The following EYS variants were observed in gnomAD, a reference collection of about 807,000 sequenced individuals.
EYS encodes EGF-like photoreceptor maintenance factor.
Under a neutral mutation model 282.1 loss-of-function variants are expected in EYS, and 250 were observed. The observed-to-expected ratio is 0.89, with a 90% CI of 0.80 to 0.98. The LOEUF is 0.98. Ranked by LOEUF, EYS falls within the 50% of genes least tolerant of loss-of-function variation. The pLI, the probability that EYS is intolerant of heterozygous loss-of-function variation, is 0.00. For synonymous variants in EYS, 1,355 were observed against 1,282.9 expected (o/e 1.06, Z -1.20); for missense variants, 4,016 against 3,709.0 (o/e 1.08, Z -2.15).
At chr6:63,768,694 C>T (rs1206094379) in intron 40 of EYS, among the ~76,000 whole-genome samples, 1 of 151,868 alleles carries the variant, frequency 6.6e-6, no homozygotes, top group Non-Finnish European at 1.5e-5. Context: ...TTAGAACGAC[C>T]ATTCAACCCA....
intron 26 of EYS, among the ~76,000 whole-genome samples, chr6:64,462,053 AT>A (rs1473730683): frequency 1.3e-5 from 2 of 152,154 alleles, no homozygotes; most frequent in East Asian, 1.9e-4. Context: ...AGAAGTAACA[AT>A]TTGTGTATAA....
intron 22 of EYS, among the ~76,000 whole-genome samples, chr6:64,676,021 G>A (rs994234071): frequency 4.8e-5 from 7 of 145,466 alleles, no homozygotes; most frequent in African/African-American, 1.3e-4. Context: ...GATATATATC[G>A]ATAGATATAT....
chr6:64,853,388 T>A (rs1451115892), intron 19 of EYS, among the ~76,000 whole-genome samples: 1 of 152,098 alleles, frequency 6.6e-6, no homozygotes, highest in African/African-American at 2.4e-5. Context: ...TAATTTTGTG[T>A]CCAGGGCTTT....
intron 2 of EYS, among the ~76,000 whole-genome samples, chr6:65,562,660 C>T (rs899091736): frequency 6.6e-6 from 1 of 151,962 alleles, no homozygotes. Flanking sequence ...TTAAATTTCA[C>T]AGGGACAGAA....
At chr6:65,211,833 A>G (rs1315064750) in intron 12 of EYS, among the ~76,000 whole-genome samples, 6 of 152,054 alleles carry the variant, frequency 3.9e-5, no homozygotes, top group African/African-American at 9.7e-5. Flanking sequence ...TGAGAGGACT[A>G]TTAATTCACT....
chr6:63,774,719 TTTTA>T (rs1325949718), intron 40 of EYS, among the ~76,000 whole-genome samples: 2 of 152,188 alleles, frequency 1.3e-5, no homozygotes, highest in African/African-American at 2.4e-5. Flanking sequence ...TATATCCAAT[TTTTA>T]TTTGTCAATT....
chr6:64,807,774 AC>A (rs1764476066), intron 22 of EYS, among the ~76,000 whole-genome samples: 1 of 152,136 alleles, frequency 6.6e-6, no homozygotes, highest in African/African-American at 2.4e-5. Flanking sequence ...GTTACTACAC[AC>A]CTAACATCTA....
At chr6:63,843,482 T>C (rs2149698723) in intron 36 of EYS, among the ~76,000 whole-genome samples, 1 of 152,338 alleles carries the variant, frequency 6.6e-6, no homozygotes, top group African/African-American at 2.4e-5. Flanking sequence ...AAGTTGCTTA[T>C]CAGCTTACAG....
chr6:63,865,037 C>T (rs1772637911), intron 35 of EYS, among the ~76,000 whole-genome samples: 1 of 152,164 alleles, frequency 6.6e-6, no homozygotes, highest in Non-Finnish European at 1.5e-5. Context: ...CAGATGCCTT[C>T]GTTTTCCTTT....
chr6:65,363,043 G>A (rs1391466998), intron 8 of EYS, among the ~76,000 whole-genome samples: 3 of 151,958 alleles, frequency 2.0e-5, no homozygotes, highest in African/African-American at 4.8e-5. Context: ...AGGTAAAAAT[G>A]CCTTTGCCAT....
chr6:63,863,600 T>C (rs1189906953), intron 36 of EYS, among the ~76,000 whole-genome samples: 1 of 151,908 alleles, frequency 6.6e-6, no homozygotes, highest in Non-Finnish European at 1.5e-5. Flanking sequence ...AATACATAGA[T>C]TTTCTGTACT....
intron 29 of EYS, among the ~76,000 whole-genome samples, chr6:64,363,656 A>G (rs1430792697): frequency 2.0e-5 from 3 of 151,898 alleles, no homozygotes; most frequent in African/African-American, 7.2e-5. Flanking sequence ...CACGTTTACT[A>G]TTATTTCATT....
At chr6:65,079,997 A>T (rs1774183469) in intron 12 of EYS, among the ~76,000 whole-genome samples, 1 of 152,128 alleles carries the variant, frequency 6.6e-6, no homozygotes, top group Non-Finnish European at 1.5e-5. Context: ...TAATTAACCC[A>T]GAATGGCAAA....
At chr6:64,549,217 C>T (rs961862702) in intron 26 of EYS, among the ~76,000 whole-genome samples, 3 of 152,140 alleles carry the variant, frequency 2.0e-5, no homozygotes, top group Non-Finnish European at 4.4e-5. Context: ...CCACTCAGTA[C>T]GTAAAACCTG....
chr6:64,908,090 A>G (rs1023208111), intron 16 of EYS, among the ~76,000 whole-genome samples: 1 of 152,214 alleles, frequency 6.6e-6, no homozygotes, highest in Non-Finnish European at 1.5e-5. Flanking sequence ...TCCCTTGTGC[A>G]TATTTCTGGC....
At chr6:65,282,470 T>C (rs1768251028) in intron 12 of EYS, among the ~76,000 whole-genome samples, 2 of 152,086 alleles carry the variant, frequency 1.3e-5, no homozygotes, top group East Asian at 1.9e-4. Context: ...AAAATAGTAA[T>C]AGTTTTAAAA....
At chr6:64,300,815 GAGAA>G (rs1769208512) in intron 30 of EYS, among the ~76,000 whole-genome samples, 1 of 152,200 alleles carries the variant, frequency 6.6e-6, no homozygotes, top group Non-Finnish European at 1.5e-5. Flanking sequence ...GAACAGGACA[GAGAA>G]AGATTTGCAT....
At chr6:63,753,144 ATATATATATATATATATATATATG>A (rs1554166859) in intron 41 of EYS, among the ~76,000 whole-genome samples, 1 of 74,462 alleles carries the variant, frequency 1.3e-5, no homozygotes, top group African/African-American at 7.2e-5. Context: ...GTGTGTGTAT[ATATATATATATATATATATATATG>A]TATATATATT....
intron 2 of EYS, among the ~76,000 whole-genome samples, chr6:65,502,943 T>A (rs1027976973): frequency 1.3e-5 from 2 of 151,676 alleles, no homozygotes; most frequent in African/African-American, 4.8e-5. Context: ...TGAGGTAGTA[T>A]TTGTCAAGTT....
Sources: allele counts gnomAD v4.1 joint callset (sites outside exome capture counted in the v4.1 genomes callset), GRCh38; gene constraint gnomAD v4.1.1; transcripts MANE v1.5; gene names NCBI Gene and HGNC (gene_info 2026-07-23, HGNC 2026-07-21).